SLC25A21: variants seen among roughly 807,000 people sequenced by gnomAD.
SLC25A21 encodes solute carrier family 25 member 21.
In SLC25A21, 47 loss-of-function variants were observed where a neutral mutation model predicts 43.8. The ratio of observed to expected loss-of-function variants is 1.07; its 90% confidence interval spans 0.85 to 1.37. The LOEUF (loss-of-function observed/expected upper bound fraction) is 1.37. Ranked by LOEUF, SLC25A21 falls within the 40% of genes most tolerant of loss-of-function variation. The pLI, the probability that SLC25A21 is intolerant of heterozygous loss-of-function variation, is 0.00. For synonymous variants in SLC25A21, 131 were observed against 121.3 expected, an observed-to-expected ratio of 1.08 and a Z score of -0.52; for missense variants, 352 against 350.2, an observed-to-expected ratio of 1.00 and a Z score of -0.04.
At chr14:36,961,161 G>A (rs1959482579) in intron 1 of SLC25A21, among the ~76,000 whole-genome samples, 3 of 151,930 alleles carry the variant, frequency 2.0e-5, no homozygotes, top group Non-Finnish European at 1.5e-5. Flanking sequence ...AAAGTCTGGG[G>A]TAAAACTTAG....
chr14:36,877,541 A>C (rs796678726), intron 1 of SLC25A21, among the ~76,000 whole-genome samples: 43 of 152,282 alleles, frequency 2.8e-4, no homozygotes, highest in African/African-American at 1.0e-3. Flanking sequence ...TTGAGGATAG[A>C]GTCTAGTGAG....
intron 1 of SLC25A21, among the ~76,000 whole-genome samples, chr14:37,042,880 T>C (rs1395219041): frequency 1.3e-5 from 2 of 152,224 alleles, no homozygotes; most frequent in African/African-American, 4.8e-5. Flanking sequence ...GTTAAATCTT[T>C]TTCCTGCACT....
intron 1 of SLC25A21, among the ~76,000 whole-genome samples, chr14:36,936,950 G>C (rs77692024): frequency 6.6e-6 from 1 of 152,230 alleles, no homozygotes; most frequent in East Asian, 1.9e-4. Flanking sequence ...AGTGTACCTG[G>C]AGCCATAAGG....
At chr14:36,699,391 G>A (rs1303625703) in intron 7 of SLC25A21, among the ~76,000 whole-genome samples, 2 of 152,172 alleles carry the variant, frequency 1.3e-5, no homozygotes, top group Admixed American at 1.3e-4. Context: ...TCCCAGTTAG[G>A]CTACACAGGG....
chr14:36,977,532 C>T (rs993185864), intron 1 of SLC25A21, among the ~76,000 whole-genome samples: 2 of 152,146 alleles, frequency 1.3e-5, no homozygotes, highest in African/African-American at 4.8e-5. Context: ...GCCATGGCCT[C>T]CTACCAAACT....
chr14:37,129,075 C>T (rs532188393), intron 1 of SLC25A21, among the ~76,000 whole-genome samples: 4 of 152,274 alleles, frequency 2.6e-5, no homozygotes, highest in South Asian at 2.1e-4. Flanking sequence ...GCTACTGTAT[C>T]GAACAGGACT....
At chr14:36,788,967 A>G (rs906091576) in intron 3 of SLC25A21, 1 of 152,138 alleles carries the variant, frequency 6.6e-6, no homozygotes, top group African/African-American at 2.4e-5. Context: ...ATTTGGTTTT[A>G]TTCATTTTTA....
chr14:36,708,887 T>C (rs891342106), intron 7 of SLC25A21, among the ~76,000 whole-genome samples: 1 of 148,692 alleles, frequency 6.7e-6, no homozygotes, highest in Non-Finnish European at 1.5e-5. Context: ...CCAGCTCAGG[T>C]TTTTTTTTTA....
intron 1 of SLC25A21, among the ~76,000 whole-genome samples, chr14:37,146,844 T>C (rs866033356): frequency 4.6e-5 from 7 of 152,190 alleles, no homozygotes; most frequent in African/African-American, 4.8e-5. Flanking sequence ...TAAGAATACA[T>C]AGATTCATAT....
At chr14:36,827,115 C>G (rs942281709) in intron 2 of SLC25A21, among the ~76,000 whole-genome samples, 1 of 152,140 alleles carries the variant, frequency 6.6e-6, no homozygotes, top group Non-Finnish European at 1.5e-5. Context: ...AATAAAATGC[C>G]CTTCTGTGCT....
chr14:36,888,089 TTGTC>T (rs1202835137), intron 1 of SLC25A21, among the ~76,000 whole-genome samples: 1 of 152,140 alleles, frequency 6.6e-6, no homozygotes, highest in African/African-American at 2.4e-5. Context: ...CAGTTTTTGT[TTGTC>T]TGTTTTCCAG....
At chr14:37,041,894 T>G (rs543862516) in intron 1 of SLC25A21, among the ~76,000 whole-genome samples, 1 of 152,310 alleles carries the variant, frequency 6.6e-6, no homozygotes, top group East Asian at 1.9e-4. Flanking sequence ...ATCTAAAGAT[T>G]GTAAATATTA....
intron 1 of SLC25A21, among the ~76,000 whole-genome samples, chr14:36,879,507 T>G (rs943686164): frequency 1.3e-5 from 2 of 152,142 alleles, no homozygotes; most frequent in Admixed American, 1.3e-4. Context: ...TTAGTGAGCA[T>G]GACTATATCT....
intron 1 of SLC25A21, among the ~76,000 whole-genome samples, chr14:37,133,382 GCT>G (rs1182028031): frequency 1.3e-5 from 2 of 151,756 alleles, no homozygotes; most frequent in East Asian, 1.9e-4. Flanking sequence ...TCTCTGTGAG[GCT>G]CTTTCTCCAC....
intron 1 of SLC25A21, among the ~76,000 whole-genome samples, chr14:36,949,660 T>G (rs763815026): frequency 6.6e-6 from 1 of 152,168 alleles, no homozygotes; most frequent in Non-Finnish European, 1.5e-5. Flanking sequence ...AACTTTCACA[T>G]TTTATTTTTA....
At chr14:36,721,160 C>T (rs530770863) in intron 6 of SLC25A21, among the ~76,000 whole-genome samples, 5 of 152,184 alleles carry the variant, frequency 3.3e-5, no homozygotes, top group African/African-American at 1.2e-4. Flanking sequence ...ATGTTAAGAC[C>T]TTTGCATATA....
At chr14:36,742,487 T>C (rs1324192229) in intron 3 of SLC25A21, among the ~76,000 whole-genome samples, 1 of 152,180 alleles carries the variant, frequency 6.6e-6, no homozygotes, top group Non-Finnish European at 1.5e-5. Flanking sequence ...AGAATCCAAA[T>C]GAAAGAGTGG....
At chr14:36,785,074 A>T (rs1408646956) in intron 3 of SLC25A21, among the ~76,000 whole-genome samples, 1 of 152,154 alleles carries the variant, frequency 6.6e-6, no homozygotes, top group African/African-American at 2.4e-5. Context: ...ACAGTCCAAC[A>T]TCATGTCATA....
intron 1 of SLC25A21, among the ~76,000 whole-genome samples, chr14:36,959,029 A>G (rs1403293698): frequency 6.6e-6 from 1 of 152,174 alleles, no homozygotes; most frequent in Non-Finnish European, 1.5e-5. Context: ...GGAAGGAGGA[A>G]AACACTGGCG....
Sources: gnomAD v4.1 joint callset for allele counts (sites outside exome capture counted in the v4.1 genomes callset) on GRCh38, gnomAD v4.1.1 for gene constraint, MANE v1.5 for transcripts, NCBI Gene and HGNC (gene_info 2026-07-23, HGNC 2026-07-21) for gene names.